TNNI3K: variants seen among roughly 807,000 people sequenced by gnomAD.
TNNI3K encodes TNNI3 interacting kinase, also known as serine/threonine-protein kinase TNNI3K.
In TNNI3K, 140 loss-of-function variants were observed where a neutral mutation model predicts 114.5. The observed-to-expected ratio is 1.22, with a 90% CI of 1.07 to 1.41. The LOEUF (loss-of-function observed/expected upper bound fraction) is 1.41, where lower values mean the gene tolerates loss of function less well. TNNI3K is among the 40% of genes most tolerant of loss of function. The pLI, the probability that TNNI3K is intolerant of heterozygous loss-of-function variation, is 0.00. For missense variants in TNNI3K, 1,125 were observed against 1,007.6 expected, an observed-to-expected ratio of 1.12 and a Z score of -1.58; for synonymous variants, 347 against 347.5, an observed-to-expected ratio of 1.00 and a Z score of 0.02.
At position 74,331,532 on chromosome 1, in the gene TNNI3K, A is replaced by G. The variant is rs201182862; in HGVS notation, c.527A>G (p.Tyr176Cys). Residue 176 changes from tyrosine to cysteine, a missense_variant, in exon 6 of 25, where the codon TAC (tyrosine) becomes TGC (cysteine). Tyr to Cys is a radical substitution (Grantham distance 194). Coordinates refer to ENST00000326637, the MANE Select transcript of TNNI3K (RefSeq NM_015978.3). ...TTCACTCCATTGCATATTGCAGCGT[A>G]CTATGGACATGAACAGGTAAGTCTG... Reference protein sequence around the residue: ...VFFTPLHIAAYYGHEQVTRLL... With the variant: ...VFFTPLHIAACYGHEQVTRLL... 1.2e-6 allele frequency: 2 copies of G among 1,612,670 alleles called. No individual in the cohort carries two copies.
chr1:74,510,909 C>A (rs538226847), intron 23 of TNNI3K, among the ~76,000 whole-genome samples: 4 of 152,132 alleles, frequency 2.6e-5, no homozygotes, highest in Non-Finnish European at 4.4e-5. Flanking sequence ...TTTTTTGAGA[C>A]GAAGTCTCAC....
At chr1:74,236,275 G>A (rs1653854468) in intron 2 of TNNI3K, 65 bp downstream of exon 2, 3 of 1,405,348 alleles carry the variant, frequency 2.1e-6, no homozygotes, top group Non-Finnish European at 2.9e-6. Flanking sequence ...ATTTTTTAAA[G>A]TATCTGTATA....
At chr1:74,543,079 T>C (rs909739672) in intron 24 of TNNI3K, among the ~76,000 whole-genome samples, 4 of 129,892 alleles carry the variant, frequency 3.1e-5, no homozygotes, top group African/African-American at 5.8e-5. Context: ...TTTTTTTTTT[T>C]TTTTTTTTTT....
intron 23 of TNNI3K, among the ~76,000 whole-genome samples, chr1:74,508,606 G>T (rs372997185): frequency 1.3e-5 from 2 of 152,158 alleles, no homozygotes; most frequent in Non-Finnish European, 2.9e-5. Context: ...GATAAGTAGC[G>T]AATCAGTCTG....
chr1:74,465,752 G>T (rs537953275), intron 21 of TNNI3K, among the ~76,000 whole-genome samples: 35 of 152,216 alleles, frequency 2.3e-4, no homozygotes, highest in Non-Finnish European at 4.6e-4. Flanking sequence ...GAACTTTTAT[G>T]TCTATCTAGA....
chr1:74,393,701 A>G (rs768664654), intron 17 of TNNI3K, among the ~76,000 whole-genome samples: 23 of 151,906 alleles, frequency 1.5e-4, no homozygotes, highest in Non-Finnish European at 2.6e-4. Flanking sequence ...GTGGAAGACA[A>G]TTTTTCCACA....
chr1:74,435,744 T>G (rs1281616370), intron 17 of TNNI3K, among the ~76,000 whole-genome samples: 3 of 152,184 alleles, frequency 2.0e-5, no homozygotes, highest in Middle Eastern at 3.4e-3. Context: ...TGCTTTTCAC[T>G]CTTTCCTTGT....
chr1:74,372,761 A>G (rs1272604323), intron 17 of TNNI3K: 1 of 151,846 alleles, frequency 6.6e-6, no homozygotes, highest in Non-Finnish European at 1.5e-5. Context: ...TGGGGCCATT[A>G]TATATTCTGT....
intron 23 of TNNI3K, 68 bp from the exon 24 acceptor site, chr1:74,540,166 T>C (rs892827268): frequency 1.4e-4 from 212 of 1,549,672 alleles, no homozygotes; most frequent in Admixed American, 2.8e-4. Context: ...AGTGGAAAAA[T>C]TCTGTGTTTA....
rs146809384 is a variant in TNNI3K at position 74,398,262 on chromosome 1, A to C, written c.1772+27870A>C. 3.3e-5 allele frequency among the ~76,000 whole-genome samples: 5 copies of C among 152,288 alleles called. No homozygotes were observed. In the East Asian group the frequency reaches 9.7e-4, roughly 29 times the overall value. ...AGCTGAGCAAGATACAGGCCACCCAAACTGAGGATGGGAGGTGGATGCTCC... is the reference window on the plus strand; with the variant it reads ...AGCTGAGCAAGATACAGGCCACCCACACTGAGGATGGGAGGTGGATGCTCC... On this transcript the variant is annotated intron_variant, in intron 17 of 24. Coordinates refer to ENST00000326637, the MANE Select transcript of TNNI3K (RefSeq NM_015978.3).
chr1:74,463,944 T>A (rs1372141800), intron 21 of TNNI3K, among the ~76,000 whole-genome samples: 1 of 152,240 alleles, frequency 6.6e-6, no homozygotes, highest in Non-Finnish European at 1.5e-5. Flanking sequence ...TGGTCTTCAG[T>A]AGCACTGGCT....
intron 17 of TNNI3K, among the ~76,000 whole-genome samples, chr1:74,418,681 C>T (rs1020259383): frequency 1.3e-5 from 2 of 151,820 alleles, no homozygotes; most frequent in African/African-American, 4.8e-5. Context: ...TCCAAACTAA[C>T]GACTCAATTT....
chr1:74,486,201 A>AG (rs1668751420), intron 21 of TNNI3K, among the ~76,000 whole-genome samples: 1 of 136,412 alleles, frequency 7.3e-6, no homozygotes, highest in African/African-American at 2.6e-5. Context: ...AAATGCTATA[A>AG]AGAGAGAGAG....
chr1:74,436,191 G>A (rs1266662206), intron 18 of TNNI3K, 59 bp downstream of exon 18: 5 of 1,593,632 alleles, frequency 3.1e-6, no homozygotes, highest in African/African-American at 1.4e-5. Flanking sequence ...ACAATATGGT[G>A]CCTGATATTG....
At chr1:74,462,328 C>G (rs1303703393) in intron 20 of TNNI3K, among the ~76,000 whole-genome samples, 1 of 152,120 alleles carries the variant, frequency 6.6e-6, no homozygotes, top group Non-Finnish European at 1.5e-5. Flanking sequence ...TCTCAAAAGT[C>G]ATTAAGATAT....
chr1:74,444,628 A>G (rs1035911915), intron 20 of TNNI3K, among the ~76,000 whole-genome samples: 3 of 152,180 alleles, frequency 2.0e-5, no homozygotes, highest in African/African-American at 4.8e-5. Context: ...TATAGATCCA[A>G]TGCTATTACC....
chr1:74,297,862 A>G (rs1658091578), intron 5 of TNNI3K, among the ~76,000 whole-genome samples: 1 of 152,156 alleles, frequency 6.6e-6, no homozygotes, highest in Admixed American at 6.5e-5. Context: ...AAACAATCAT[A>G]AACCCATCCA....
intron 20 of TNNI3K, among the ~76,000 whole-genome samples, chr1:74,451,602 TTTTC>T (rs1277913203): frequency 6.6e-6 from 1 of 151,336 alleles, no homozygotes; most frequent in East Asian, 1.9e-4. Context: ...CCTTCCTTTC[TTTTC>T]TTTCTTTCCT....
chr1:74,444,326 C>T (rs1039456146), intron 20 of TNNI3K, among the ~76,000 whole-genome samples: 8 of 152,024 alleles, frequency 5.3e-5, no homozygotes, highest in African/African-American at 1.9e-4. Context: ...TAAGCAATGT[C>T]AGTAAAGTCT....
Sources: allele counts gnomAD v4.1 joint callset (sites outside exome capture counted in the v4.1 genomes callset), GRCh38; gene constraint gnomAD v4.1.1; transcripts MANE v1.5; gene names NCBI Gene and HGNC (gene_info 2026-07-23, HGNC 2026-07-21).